SLAMF7: variants seen among roughly 807,000 people sequenced by gnomAD.
SLAMF7 encodes SLAM family member 7, also known as 19A24 protein.
In SLAMF7, 26 loss-of-function variants were observed where a neutral mutation model predicts 34.1. The ratio of observed to expected loss-of-function variants is 0.76; its 90% CI spans 0.56 to 1.06. The LOEUF is 1.06. Among genes scored for constraint, SLAMF7 ranks in the 50% least tolerant of loss-of-function variants. The pLI, the probability that SLAMF7 is intolerant of heterozygous loss-of-function variation, is 0.00. For synonymous variants in SLAMF7, 171 were observed against 156.4 expected, an observed-to-expected ratio of 1.09 and a Z score of -0.70; for missense variants, 399 against 402.5, an observed-to-expected ratio of 0.99 and a Z score of 0.07.
rs541071515 is a variant in SLAMF7 at position 160,753,242 on chromosome 1, T to G, written c.*65T>G. 7.4e-7 allele frequency: 1 copy of G among 1,352,296 alleles called. No individual in the cohort carries two copies. The highest frequency in any genetic ancestry group is 2.3e-5 in the East Asian group (1 of 43,310). The allele number at this position is 1,352,296 out of a possible 1,614,324, so 83.8% of individuals were successfully genotyped here. A position where few individuals can be genotyped will look rare whatever the true frequency, so the allele number is the denominator to read the frequency against. On this transcript the variant is annotated 3_prime_UTR_variant, in exon 7 of 7. Transcript: ENST00000368043. The stretch of plus-strand genomic sequence containing the variant: ...ACAATTCTCGGCCCAAAGAAAACAA[T>G]CAGAAGAATTCACTGATTTGACTAG...
chr1:160,746,126 C>T (rs1278230483), intron 1 of SLAMF7, among the ~76,000 whole-genome samples: 1 of 152,168 alleles, frequency 6.6e-6, no homozygotes, highest in Non-Finnish European at 1.5e-5. Flanking sequence ...CAATTACACA[C>T]AGGAGACACT....
chr1:160,741,237 T>C (rs550262808), intron 1 of SLAMF7, among the ~76,000 whole-genome samples: 1 of 152,224 alleles, frequency 6.6e-6, no homozygotes, highest in Non-Finnish European at 1.5e-5. Context: ...GATTTGATGA[T>C]ACAGTAGTGT....
rs1384437404 is a variant in SLAMF7, at chr1:160,739,642, G to A, written c.55+286G>A. 31 of 334,706 alleles carry A rather than the reference G, an allele frequency of 9.3e-5. No individual in the cohort carries two copies. The East Asian group carries it at 1.7e-3, about 19-fold the overall frequency. The allele number at this position is 334,706 out of a possible 1,614,324, so 20.7% of individuals were successfully genotyped here. A position where few individuals can be genotyped will look rare whatever the true frequency, so the allele number is the denominator to read the frequency against. On this transcript the variant is annotated intron_variant, in intron 1 of 6. Coordinates refer to ENST00000368043, the MANE Select transcript of SLAMF7 (RefSeq NM_021181.5). ...AGACCATTTTTCTAATCCAGGTTCT[G>A]CCATGAGTTAGATAAGGAATGTTAA... is the stretch of plus-strand genomic sequence containing the variant.
In SLAMF7 at chr1:160,749,921, T is replaced by G; in HGVS notation, c.477T>G (p.Asp159Glu). ...LTCCMEHGEE[D>E]VIYTWKALGQ... ...GCTGCATGGAACATGGGGAAGAGGA[T>G]GTGATTTATACCTGGAAGGCCCTGG... Residue 159 changes from aspartate (D) to glutamate (E), a missense_variant, in exon 3 of 7, where the codon GAT becomes GAG. Physicochemically the swap from Asp to Glu is conservative, Grantham distance 45 (BLOSUM62 2). Coordinates refer to ENST00000368043, the MANE Select transcript of SLAMF7 (RefSeq NM_021181.5). 2 of 1,614,032 alleles carry G rather than the reference T, an allele frequency of 1.2e-6. 1 individual carries two copies. The highest frequency in any genetic ancestry group is 1.7e-6 in the Non-Finnish European group (2 of 1,179,942).
chr1:160,746,525 CT>C (rs1181397836), intron 1 of SLAMF7, among the ~76,000 whole-genome samples: 1 of 152,178 alleles, frequency 6.6e-6, no homozygotes, highest in Non-Finnish European at 1.5e-5. Flanking sequence ...GGGTTTTGTA[CT>C]TTTAAGGAGA....
chr1:160,746,676 T>C (rs1379573083), intron 1 of SLAMF7, among the ~76,000 whole-genome samples: 1 of 152,218 alleles, frequency 6.6e-6, no homozygotes, highest in African/African-American at 2.4e-5. Context: ...GACAGTTAAG[T>C]GCAGAAAAGA....
intron 1 of SLAMF7, among the ~76,000 whole-genome samples, chr1:160,742,503 C>G (rs2101655450): frequency 6.6e-6 from 1 of 152,328 alleles, no homozygotes; most frequent in South Asian, 2.1e-4. Context: ...CTCCTCAAGG[C>G]CTGACTCTCA....
rs375740110 is a variant in SLAMF7 at position 160,752,368 on chromosome 1, A to G, written c.936+120A>G. 93 of 698,032 alleles carry G rather than the reference A, an allele frequency of 1.3e-4. No homozygotes were observed. The South Asian group carries it at 1.5e-3, about 11-fold the overall frequency. The allele number at this position is 698,032 out of a possible 1,614,324, so 43.2% of individuals were successfully genotyped here. A position where few individuals can be genotyped will look rare whatever the true frequency, so the allele number is the denominator to read the frequency against. ...ACTCTCTAGAATTAAAAAGTACCCT[A>G]GTAGTTCCCCATTCCCTTTGCTTAG... is the stretch of plus-strand genomic sequence containing the variant. On this transcript the variant is annotated intron_variant, in intron 6 of 6. Transcript: ENST00000368043.
At chr1:160,746,168 A>C (rs1340945044) in intron 1 of SLAMF7, among the ~76,000 whole-genome samples, 1 of 152,220 alleles carries the variant, frequency 6.6e-6, no homozygotes, top group Non-Finnish European at 1.5e-5. Context: ...TTTAATTTTA[A>C]TTTCTTTTAA....
Position 160,751,334 on chromosome 1 carries a change from C to T in SLAMF7, c.770-11C>T, listed in dbSNP as rs577161304. The T allele has an allele frequency of 2.5e-4, 393 of 1,601,474 alleles. 2 individuals carry two copies. The South Asian group carries it at 4.1e-3, about 17-fold the overall frequency. On this transcript the variant is annotated splice_polypyrimidine_tract_variant and intron_variant, in intron 4 of 6. Coordinates refer to ENST00000368043, the MANE Select transcript of SLAMF7 (RefSeq NM_021181.5). ...AGAGGTGGCTTTGATTCTCTCCCAA[C>T]TTGCTTTTAGAGTACATTGAAGAGA...
chr1:160,743,344 T>C (rs968876171), intron 1 of SLAMF7, among the ~76,000 whole-genome samples: 2 of 152,070 alleles, frequency 1.3e-5, no homozygotes, highest in African/African-American at 4.8e-5. Context: ...AGGTAGAAAG[T>C]GAGCTGAGGA....
intron 1 of SLAMF7, among the ~76,000 whole-genome samples, chr1:160,744,285 G>A (rs190985523): frequency 8.2e-4 from 125 of 152,244 alleles, no homozygotes; most frequent in Admixed American, 1.9e-3. Context: ...ATCCCTTTTC[G>A]TAGTCAGCTG....
At position 160,748,309 on chromosome 1, in the gene SLAMF7, A is replaced by C; in HGVS notation, c.171A>C (p.Thr57=). The change falls in exon 2 of 7, where the codon ACA becomes ACC. Residue 57 remains threonine, a synonymous_variant. Transcript: ENST00000368043. ...QVDSIVWTFN[T]TPLVTIQPEG... ...ACTCTATTGTCTGGACCTTCAACAC[A>C]ACCCCTCTTGTCACCATACAGCCAG... is the stretch of plus-strand genomic sequence containing the variant. 1 of 1,614,036 alleles carries C rather than the reference A, an allele frequency of 6.2e-7. No homozygotes were observed. Among genetic ancestry groups the C allele is most frequent in the Non-Finnish European group, 8.5e-7 (1 of 1,179,964 alleles).
In SLAMF7 at chr1:160,750,064, GC is replaced by G. The variant is rs1224631818; in HGVS notation, c.624del (p.Ile209SerfsTer42). 1 of 1,613,924 alleles carries G rather than the reference GC, an allele frequency of 6.2e-7. No homozygotes were observed. The highest frequency in any genetic ancestry group is 8.5e-7 in the Non-Finnish European group (1 of 1,179,974). On this transcript the variant is annotated frameshift_variant, in exon 3 of 7. Coordinates refer to ENST00000368043, the MANE Select transcript of SLAMF7 (RefSeq NM_021181.5). LOFTEE classifies it high-confidence loss of function. Reference sequence around the variant, plus strand: ...AACCCTGTCAGCAGAAACTTCTCAAGCCCCATCCTTGCCAGGAAGCTCTGTG... The same window carrying G: ...AACCCTGTCAGCAGAAACTTCTCAAGCCCATCCTTGCCAGGAAGCTCTGTG... Reference protein sequence around the residue: ...ARNPVSRNFSSPILARKLCEG... With the variant: ...ARNPVSRNFSXPILARKLCEG...
Position 160,751,307 on chromosome 1 carries a change from G to A in SLAMF7, c.770-38G>A, listed in dbSNP as rs769549238. On this transcript the variant is annotated intron_variant, in intron 4 of 6. Coordinates refer to ENST00000368043, the MANE Select transcript of SLAMF7 (RefSeq NM_021181.5). ...GGGCCAGTGGAAGTGGTGAGTGGTT[G>A]GAGAGGTGGCTTTGATTCTCTCCCA... 3.4e-6 allele frequency: 5 copies of A among 1,451,218 alleles called. No individual in the cohort carries two copies. In the South Asian group the frequency reaches 5.7e-5, roughly 17 times the overall value. 89.9% of individuals were successfully genotyped at this position (1,451,218 alleles called of 1,614,324 possible). A position where few individuals can be genotyped will look rare whatever the true frequency, so the allele number is the denominator to read the frequency against.
chr1:160,748,398 G>T lies in SLAMF7; in HGVS notation c.260G>T (p.Gly87Val). ...NRERVDFPDG[G>V]YSLKLSKLKK... ...GAGAGAGTAGACTTCCCAGATGGAG[G>T]CTACTCCCTGAAGCTCAGCAAACTG... The change falls in exon 2 of 7, where the codon GGC becomes GTC. Residue 87 changes from glycine (G) to valine (V), a missense_variant. Physicochemically the swap from Gly to Val is moderately radical, Grantham distance 109. Transcript: ENST00000368043. 6.2e-7 allele frequency: 1 copy of T among 1,613,980 alleles called. No individual in the cohort carries two copies. The highest frequency in any genetic ancestry group is 8.5e-7 in the Non-Finnish European group (1 of 1,179,930).
intron 5 of SLAMF7, chr1:160,751,856 C>CTATATATA (rs1664634529): frequency 2.2e-5 from 1 of 45,540 alleles, no homozygotes; most frequent in Non-Finnish European, 4.0e-5. Flanking sequence ...CTCTCTCTCT[C>CTATATATA]TCTCTCTATA....
chr1:160,745,739 G>A (rs1664076071), intron 1 of SLAMF7, among the ~76,000 whole-genome samples: 1 of 152,140 alleles, frequency 6.6e-6, no homozygotes, highest in Admixed American at 6.5e-5. Flanking sequence ...ACAAAAACAG[G>A]CAGTGGACCA....
chr1:160,752,255 A>C lies in SLAMF7; in HGVS notation c.936+7A>C. On this transcript the variant is annotated splice_region_variant and intron_variant, in intron 6 of 6. Coordinates refer to ENST00000368043, the MANE Select transcript of SLAMF7 (RefSeq NM_021181.5). ...TGTGGAAATACCGAAAAAGGTAAGA[A>C]GCTTTAGAGCTTAACTTCATCTTAA... The C allele has an allele frequency of 1.2e-6, 2 of 1,609,700 alleles. No homozygotes were observed. Among genetic ancestry groups the C allele is most frequent in the Non-Finnish European group, 8.5e-7 (1 of 1,176,258 alleles).
Sources: allele counts gnomAD v4.1 joint callset (sites outside exome capture counted in the v4.1 genomes callset), GRCh38; gene constraint gnomAD v4.1.1; transcripts MANE v1.5; gene names NCBI Gene and HGNC (gene_info 2026-07-23, HGNC 2026-07-21).